The following FSTL5 variants were observed in gnomAD, a reference collection of about 807,000 sequenced individuals.
FSTL5 encodes the protein follistatin-related protein 5.
In FSTL5, 62 loss-of-function variants were observed where a neutral mutation model predicts 89.1. The ratio of observed to expected loss-of-function variants is 0.70; its 90% CI spans 0.57 to 0.86. The LOEUF (loss-of-function observed/expected upper bound fraction) is 0.86, where lower values mean the gene tolerates loss of function less well. FSTL5 is among the 40% of genes least tolerant of loss of function. The pLI is 0.00. For synonymous variants in FSTL5, 383 were observed against 346.2 expected, an observed-to-expected ratio of 1.11 and a Z score of -1.18; for missense variants, 1,057 against 1,001.6, an observed-to-expected ratio of 1.06 and a Z score of -0.75.
At chr4:161,439,291 C>A (rs892517795) in intron 15 of FSTL5, among the ~76,000 whole-genome samples, 1 of 152,186 alleles carries the variant, frequency 6.6e-6, no homozygotes. Flanking sequence ...GGAAGGCAAA[C>A]TTTAAATGGT....
At chr4:161,585,898 A>G (rs145706665) in intron 8 of FSTL5, among the ~76,000 whole-genome samples, 1 of 152,320 alleles carries the variant, frequency 6.6e-6, no homozygotes, top group Non-Finnish European at 1.5e-5. Flanking sequence ...AAACACCATG[A>G]ATCAACTTTG....
intron 3 of FSTL5, among the ~76,000 whole-genome samples, chr4:162,012,782 G>A (rs1016387080): frequency 3.9e-5 from 6 of 151,906 alleles, no homozygotes; most frequent in Non-Finnish European, 7.4e-5. Context: ...TATTGAAGGA[G>A]TATTAGAAAT....
At chr4:161,799,046 C>T (rs1729719697) in intron 4 of FSTL5, among the ~76,000 whole-genome samples, 1 of 151,642 alleles carries the variant, frequency 6.6e-6, no homozygotes, top group Non-Finnish European at 1.5e-5. Context: ...AATGATTGCT[C>T]ACAGTTACCG....
intron 4 of FSTL5, among the ~76,000 whole-genome samples, chr4:161,791,841 T>C (rs1729486425): frequency 2.0e-5 from 3 of 152,210 alleles, no homozygotes; most frequent in Non-Finnish European, 2.9e-5. Context: ...AAAGATCCTT[T>C]TGATGGAAGC....
intron 4 of FSTL5, among the ~76,000 whole-genome samples, chr4:161,852,094 C>T (rs959574259): frequency 6.6e-6 from 1 of 151,912 alleles, no homozygotes; most frequent in African/African-American, 2.4e-5. Flanking sequence ...CACCACAGTT[C>T]ATCTTGTTAA....
intron 2 of FSTL5, among the ~76,000 whole-genome samples, chr4:162,061,155 ATAATGC>A (rs1484943494): frequency 1.3e-5 from 2 of 152,092 alleles, no homozygotes; most frequent in Non-Finnish European, 2.9e-5. Flanking sequence ...GAGATGAGTT[ATAATGC>A]TAAGCCAGTA....
intron 1 of FSTL5, among the ~76,000 whole-genome samples, chr4:162,119,290 A>G (rs1178611688): frequency 6.6e-6 from 1 of 152,058 alleles, no homozygotes; most frequent in Non-Finnish European, 1.5e-5. Context: ...TACAAGAACT[A>G]TCTGCACAGA....
chr4:162,124,129 A>G (rs1296429992), intron 1 of FSTL5, among the ~76,000 whole-genome samples: 1 of 152,188 alleles, frequency 6.6e-6, no homozygotes, highest in African/African-American at 2.4e-5. Context: ...GATAATAAAG[A>G]CAATACATTG....
intron 4 of FSTL5, among the ~76,000 whole-genome samples, chr4:161,807,031 C>T (rs1729990012): frequency 6.6e-6 from 1 of 151,800 alleles, no homozygotes; most frequent in Admixed American, 6.6e-5. Context: ...TATAAACAAC[C>T]AGAAAGGGGT....
intron 6 of FSTL5, among the ~76,000 whole-genome samples, chr4:161,695,263 C>A (rs998633012): frequency 6.6e-6 from 1 of 152,058 alleles, no homozygotes; most frequent in African/African-American, 2.4e-5. Flanking sequence ...TATGCCTTTG[C>A]ATCCTCATAG....
chr4:161,506,225 C>A (rs10006775), intron 11 of FSTL5, among the ~76,000 whole-genome samples: 2,527 of 125,436 alleles, frequency 0.02, 64 homozygotes, highest in African/African-American at 0.067. Context: ...TGAGCCATCA[C>A]GCCCGGCATT....
chr4:162,010,825 G>A (rs1176379331), intron 3 of FSTL5, among the ~76,000 whole-genome samples: 1 of 152,030 alleles, frequency 6.6e-6, no homozygotes, highest in Non-Finnish European at 1.5e-5. Flanking sequence ...CACCATATAT[G>A]CTTAACTATT....
rs371517477 is a variant in FSTL5, at chr4:161,926,452, G to A, written c.161-5800C>T. On this transcript the variant is annotated intron_variant, in intron 3 of 15. Coordinates refer to ENST00000306100, the MANE Select transcript of FSTL5 (RefSeq NM_020116.5). The stretch of plus-strand genomic sequence containing the variant: ...ACAAGAGGCCGTATGAAAATAATAA[G>A]TAGAAAAAAGCCAGAGATCCAGGTA... Among the ~76,000 whole-genome samples, 68 of 145,884 alleles carry A rather than the reference G, an allele frequency of 4.7e-4. 1 individual carries two copies. The South Asian group carries it at 0.015, about 31-fold the overall frequency.
At chr4:161,471,591 TC>T (rs1050056232) in intron 13 of FSTL5, among the ~76,000 whole-genome samples, 4 of 152,176 alleles carry the variant, frequency 2.6e-5, no homozygotes, top group African/African-American at 4.8e-5. Flanking sequence ...AGAATTTACT[TC>T]CTTTAATATT....
At chr4:162,143,717 TA>T (rs1732840106) in intron 1 of FSTL5, among the ~76,000 whole-genome samples, 1 of 5,928 alleles carries the variant, frequency 1.7e-4, no homozygotes, top group African/African-American at 4.1e-4. Context: ...TATCTGACTT[TA>T]CACACACACA....
At chr4:161,993,626 A>G (rs1213771631) in intron 3 of FSTL5, among the ~76,000 whole-genome samples, 3 of 152,100 alleles carry the variant, frequency 2.0e-5, no homozygotes, top group Non-Finnish European at 4.4e-5. Flanking sequence ...AACTGTAAAT[A>G]TAGGACTTAT....
At chr4:162,139,387 A>G (rs956153333) in intron 1 of FSTL5, among the ~76,000 whole-genome samples, 8 of 152,076 alleles carry the variant, frequency 5.3e-5, no homozygotes, top group Non-Finnish European at 8.8e-5. Flanking sequence ...AAATTCCTGA[A>G]GAAGGAATAG....
intron 7 of FSTL5, among the ~76,000 whole-genome samples, chr4:161,625,980 GCA>G (rs1478676154): frequency 1.3e-5 from 2 of 152,088 alleles, no homozygotes; most frequent in Non-Finnish European, 2.9e-5. Context: ...ATATATGAAA[GCA>G]CAGAGAAAAT....
intron 15 of FSTL5, among the ~76,000 whole-genome samples, chr4:161,451,679 A>G (rs530967960): frequency 8.5e-5 from 13 of 152,334 alleles, no homozygotes; most frequent in African/African-American, 2.9e-4. Context: ...GTAAATTCTT[A>G]TTACTGTAGT....
Sources: gnomAD v4.1 joint callset for allele counts (sites outside exome capture counted in the v4.1 genomes callset) on GRCh38, gnomAD v4.1.1 for gene constraint, MANE v1.5 for transcripts, NCBI Gene and HGNC (gene_info 2026-07-23, HGNC 2026-07-21) for gene names.